The following ATP5PF variants were observed in gnomAD, a reference collection of about 807,000 sequenced individuals.
ATP5PF encodes the protein ATP synthase peripheral stalk subunit F6, mitochondrial.
In ATP5PF, 7 loss-of-function variants were observed where a neutral mutation model predicts 12.0. That is an observed-to-expected ratio of 0.58 (90% CI 0.33 to 1.10). ATP5PF has a LOEUF of 1.10. Ranked by LOEUF, ATP5PF falls within the 50% of genes least tolerant of loss-of-function variation. The pLI, the probability that ATP5PF is intolerant of heterozygous loss-of-function variation, is 0.03. For synonymous variants in ATP5PF, 41 were observed against 45.4 expected, an observed-to-expected ratio of 0.90 and a Z score of 0.39; for missense variants, 120 against 127.7, an observed-to-expected ratio of 0.94 and a Z score of 0.29.
rs1485164642 is a variant in ATP5PF at position 25,725,323 on chromosome 21, A to G, written c.192T>C (p.Ser64=). The change falls in exon 3 of 4, where the codon AGT becomes AGC. Residue 64 remains serine, a synonymous_variant. Coordinates refer to ENST00000284971, the MANE Select transcript of ATP5PF (RefSeq NM_001003703.2). ...RQTSGGPVDA[S]SEYQQELERE... ...TCTCCAGCTCTTGCTGATACTCTGA[A>G]CTAGCATCAACAGGTCCTCCAGATG... 6.2e-7 allele frequency: 1 copy of G among 1,607,576 alleles called. No homozygotes were observed. Among genetic ancestry groups the G allele is most frequent in the East Asian group, 2.2e-5 (1 of 44,774 alleles).
At chr21:25,733,874 A>G (rs939131819) in intron 1 of ATP5PF, among the ~76,000 whole-genome samples, 5 of 152,236 alleles carry the variant, frequency 3.3e-5, no homozygotes, top group African/African-American at 1.2e-4. Flanking sequence ...CTTCTGCAAC[A>G]CGGGTAAAAT....
At chr21:25,734,992 A>G (rs1408751443), upstream of ATP5PF, 7 of 1,550,270 alleles carry the variant, frequency 4.5e-6, no homozygotes, top group South Asian at 8.3e-5. Context: ...CGCTCACCGG[A>G]CAGGAAGCGT....
chr21:25,733,620 T>TTAG (rs2034877355), intron 1 of ATP5PF, among the ~76,000 whole-genome samples: 1 of 152,196 alleles, frequency 6.6e-6, no homozygotes, highest in Non-Finnish European at 1.5e-5. Context: ...CCACTTTCCC[T>TTAG]TCTGGCAAAC....
chr21:25,732,985 CAAA>C (rs370858284), intron 1 of ATP5PF, among the ~76,000 whole-genome samples: 1,391 of 47,544 alleles, frequency 0.029, 3 homozygotes, highest in African/African-American at 0.11. Context: ...AACTCTGTCT[CAAA>C]AAAAAAAAAA....
chr21:25,733,646 C>T (rs536327041), intron 1 of ATP5PF, among the ~76,000 whole-genome samples: 1 of 152,266 alleles, frequency 6.6e-6, no homozygotes, highest in African/African-American at 2.4e-5. Flanking sequence ...ACATGCTTAA[C>T]ATTCAGCAAT....
intron 1 of ATP5PF, among the ~76,000 whole-genome samples, chr21:25,730,589 C>T (rs1192067390): frequency 6.6e-6 from 1 of 151,552 alleles, no homozygotes; most frequent in East Asian, 1.9e-4. Flanking sequence ...CAAAAATTAG[C>T]TGGGCGTGGT....
intron 2 of ATP5PF, among the ~76,000 whole-genome samples, chr21:25,728,860 T>C (rs2034683710): frequency 6.6e-6 from 1 of 152,256 alleles, no homozygotes; most frequent in Admixed American, 6.5e-5. Flanking sequence ...AGAAGCTTTC[T>C]ACTCCTATCG....
At position 25,724,523 on chromosome 21, in the gene ATP5PF, T is replaced by G; in HGVS notation, c.*117A>C. ...ACTCAACATCACCAAATAATTTATT[T>G]GGACTCAGAATTAAAAGAACATTTG... is the stretch of plus-strand genomic sequence containing the variant. On this transcript the variant is annotated 3_prime_UTR_variant, in exon 4 of 4. Transcript: ENST00000284971. The G allele has an allele frequency of 2.6e-6, 3 of 1,165,458 alleles. No individual in the cohort carries two copies. Among genetic ancestry groups the G allele is most frequent in the Non-Finnish European group, 3.7e-6 (3 of 813,636 alleles). The allele number at this position is 1,165,458 out of a possible 1,614,324, so 72.2% of individuals were successfully genotyped here. A position where few individuals can be genotyped will look rare whatever the true frequency, so the allele number is the denominator to read the frequency against.
intron 2 of ATP5PF, among the ~76,000 whole-genome samples, chr21:25,727,388 G>C (rs1338395777): frequency 6.6e-6 from 1 of 152,166 alleles, no homozygotes; most frequent in African/African-American, 2.4e-5. Context: ...CAGTCACTCA[G>C]AAGATACTTG....
intron 2 of ATP5PF, among the ~76,000 whole-genome samples, chr21:25,726,262 A>G (rs2034616512): frequency 6.6e-6 from 1 of 152,144 alleles, no homozygotes; most frequent in African/African-American, 2.4e-5. Flanking sequence ...GAAGCAAATT[A>G]TTTCCTACCC....
At chr21:25,733,948 T>C (rs2034898077) in intron 1 of ATP5PF, among the ~76,000 whole-genome samples, 1 of 152,204 alleles carries the variant, frequency 6.6e-6, no homozygotes, top group South Asian at 2.1e-4. Flanking sequence ...GCATTTCTAA[T>C]TTTAGTATTC....
At chr21:25,728,849 TAGA>T (rs150044179) in intron 2 of ATP5PF, among the ~76,000 whole-genome samples, 6,500 of 152,280 alleles carry the variant, frequency 0.043, 491 homozygotes, top group African/African-American at 0.15. Context: ...TTTATTTGCT[TAGA>T]AGCTTTCTAC....
chr21:25,726,782 T>G (rs1467724629), intron 2 of ATP5PF, among the ~76,000 whole-genome samples: 3 of 152,348 alleles, frequency 2.0e-5, no homozygotes, highest in East Asian at 3.9e-4. Flanking sequence ...TACCTAGCAA[T>G]GAACAATATT....
rs143335297 is a variant in ATP5PF, at chr21:25,727,299, C to T, written c.165-1949G>A. Among the ~76,000 whole-genome samples the T allele has an allele frequency of 3.8e-4, 58 of 152,312 alleles. No homozygotes were observed. In the East Asian group the frequency reaches 9.4e-3, roughly 25 times the overall value. ...AAAAGAGGCCAGAAATCATCTACCTCCTCAACTGAATGTAAGTCTTGCTGC... is the reference window on the plus strand; with the variant it reads ...AAAAGAGGCCAGAAATCATCTACCTTCTCAACTGAATGTAAGTCTTGCTGC... On this transcript the variant is annotated intron_variant, in intron 2 of 3. Coordinates refer to ENST00000284971, the MANE Select transcript of ATP5PF (RefSeq NM_001003703.2).
At chr21:25,734,981 A>T (rs780429739), upstream of ATP5PF, 1 of 1,560,126 alleles carries the variant, frequency 6.4e-7, no homozygotes, top group Non-Finnish European at 8.7e-7. Context: ...CAGTCGGTCG[A>T]CGCTCACCGG....
At chr21:25,729,533 G>A in intron 2 of ATP5PF, 98 bp downstream of exon 2, 2 of 1,131,518 alleles carry the variant, frequency 1.8e-6, no homozygotes, top group South Asian at 1.8e-5. Context: ...GCTCAGTGAA[G>A]GTCTAATACT....
chr21:25,725,314 A>C lies in ATP5PF; in HGVS notation c.201T>G (p.Tyr67Ter). Reference protein sequence around the residue: ...SGGPVDASSEYQQELERELFK... With the variant: ...SGGPVDASSE The stretch of plus-strand genomic sequence containing the variant: ...AAAGCTCCCTCTCCAGCTCTTGCTG[A>C]TACTCTGAACTAGCATCAACAGGTC... The change falls in exon 3 of 4, where the codon TAT becomes TAG. Residue 67 changes from tyrosine to a stop codon, truncating the protein, a stop_gained. Coordinates refer to ENST00000284971, the MANE Select transcript of ATP5PF (RefSeq NM_001003703.2). LOFTEE classifies it high-confidence loss of function. The C allele has an allele frequency of 6.2e-7, 1 of 1,612,662 alleles. No homozygotes were observed. Among genetic ancestry groups the C allele is most frequent in the Non-Finnish European group, 8.5e-7 (1 of 1,179,870 alleles).
At position 25,734,896 on chromosome 21, in the gene ATP5PF, C is replaced by G. The variant is rs946984581; in HGVS notation, c.-51G>C. 10 of 1,558,926 alleles carry G rather than the reference C, an allele frequency of 6.4e-6. No individual in the cohort carries two copies. The highest frequency in any genetic ancestry group is 7.8e-6 in the Non-Finnish European group (9 of 1,155,064). ...CTGCCAAAGCCTCCGCCGCCACCACCTCCGCTCTACTTCCGGCCCTGGCTC... is the reference window on the plus strand; with the variant it reads ...CTGCCAAAGCCTCCGCCGCCACCACGTCCGCTCTACTTCCGGCCCTGGCTC... On this transcript the variant is annotated 5_prime_UTR_variant, in exon 1 of 4. Coordinates refer to ENST00000284971, the MANE Select transcript of ATP5PF (RefSeq NM_001003703.2).
At chr21:25,727,020 T>C (rs76976788) in intron 2 of ATP5PF, among the ~76,000 whole-genome samples, 2,846 of 152,184 alleles carry the variant, frequency 0.019, 82 homozygotes, top group African/African-American at 0.063. Flanking sequence ...AAACGCTCTC[T>C]GTCTGTGCTG....
Sources: allele counts gnomAD v4.1 joint callset (sites outside exome capture counted in the v4.1 genomes callset), GRCh38; gene constraint gnomAD v4.1.1; transcripts MANE v1.5; gene names NCBI Gene and HGNC (gene_info 2026-07-23, HGNC 2026-07-21).